EML5: variants seen among roughly 807,000 people sequenced by gnomAD.
EML5 encodes the protein echinoderm microtubule-associated protein-like 5.
In EML5, 120 loss-of-function variants were observed where a neutral mutation model predicts 250.0. The ratio of observed to expected loss-of-function variants is 0.48; its 90% CI spans 0.41 to 0.56. The LOEUF (loss-of-function observed/expected upper bound fraction) is 0.56, where lower values mean the gene tolerates loss of function less well. EML5 is among the 20% of genes least tolerant of loss of function. EML5 has a pLI of 0.00. For synonymous variants in EML5, 771 were observed against 806.5 expected (o/e 0.96, Z 0.75); for missense variants, 2,006 against 2,437.6 (o/e 0.82, Z 3.73).
intron 8 of EML5, among the ~76,000 whole-genome samples, chr14:88,716,299 T>C (rs953287380): frequency 1.3e-5 from 2 of 152,212 alleles, no homozygotes; most frequent in Admixed American, 6.5e-5. Flanking sequence ...GAAGCTTCTG[T>C]ACTTTTTTTT....
chr14:88,646,931 G>A lies in EML5; in HGVS notation c.4028+16C>T. Reference sequence around the variant, plus strand: ...TACAAAGTTAGGCTTTGTAAACACAGCAAAGAGAGGATTACCTGGAACCTC... The same window carrying A: ...TACAAAGTTAGGCTTTGTAAACACAACAAAGAGAGGATTACCTGGAACCTC... On this transcript the variant is annotated intron_variant, in intron 29 of 43. Transcript: ENST00000554922. The A allele has an allele frequency of 6.3e-7, 1 of 1,591,008 alleles. No homozygotes were observed. The highest frequency in any genetic ancestry group is 1.7e-5 in the Admixed American group (1 of 57,864).
chr14:88,646,289 A>C (rs936918145), intron 29 of EML5, among the ~76,000 whole-genome samples: 1 of 152,236 alleles, frequency 6.6e-6, no homozygotes, highest in African/African-American at 2.4e-5. Context: ...TTGATACGCA[A>C]TATGAGGCAG....
chr14:88,685,026 G>A lies in EML5; in HGVS notation c.2971C>T (p.Leu991Phe). The A allele has an allele frequency of 1.2e-6, 2 of 1,601,872 alleles. No individual in the cohort carries two copies. The highest frequency in any genetic ancestry group is 1.7e-6 in the Non-Finnish European group (2 of 1,174,718). The stretch of plus-strand genomic sequence containing the variant: ...GCATTTAAAATTACCTGAACCAGAA[G>A]TGTTATTGGGCCACTTTTATCCACT... ...LEVDKSGPIT[L>F]LVQGHMEGEV... Residue 991 changes from leucine (L) to phenylalanine (F), a missense_variant, in exon 20 of 44, where the codon CTT (leucine) becomes TTT (phenylalanine). Physicochemically the swap from Leu to Phe is conservative, Grantham distance 22. This residue lies in a region of EML5 where 1,375 missense variants were observed against 1,590.3 expected (regional missense o/e 0.86). Transcript: ENST00000554922.
In EML5 at chr14:88,615,678, T is replaced by C; in HGVS notation, c.*140A>G. ...CAAATATTTTGAACAGATCAGTCTT[T>C]CACTATTTTGATGATTCTGGGCATT... On this transcript the variant is annotated 3_prime_UTR_variant, in exon 44 of 44. Coordinates refer to ENST00000554922, the MANE Select transcript of EML5 (RefSeq NM_183387.3). 1 of 733,454 alleles carries C rather than the reference T, an allele frequency of 1.4e-6. No homozygotes were observed. Among genetic ancestry groups the C allele is most frequent in the South Asian group, 1.9e-5 (1 of 52,512 alleles). The allele number at this position is 733,454 out of a possible 1,614,324, so 45.4% of individuals were successfully genotyped here. A position where few individuals can be genotyped will look rare whatever the true frequency, so the allele number is the denominator to read the frequency against.
intron 38 of EML5, 46 bp downstream of exon 38, chr14:88,621,067 C>T (rs1206406236): frequency 1.3e-6 from 2 of 1,554,900 alleles, no homozygotes; most frequent in Non-Finnish European, 1.7e-6. Context: ...TCCAACTTTT[C>T]TTTTTAGAAG....
rs192266054 is a variant in EML5 at position 88,775,124 on chromosome 14, T to C, written c.197+17183A>G. Among the ~76,000 whole-genome samples, 470 of 151,170 alleles carry C rather than the reference T, an allele frequency of 3.1e-3. 3 individuals are homozygous for C. Among genetic ancestry groups the C allele is most frequent in the Non-Finnish European group, 5.4e-3 (366 of 67,750 alleles). The stretch of plus-strand genomic sequence containing the variant: ...AACCAGTAGCAATACCCGGGTACTA[T>C]GTCAAGGGCCTTAAGTGAGCCTCTG... On this transcript the variant is annotated intron_variant, in intron 1 of 43. Coordinates refer to ENST00000554922, the MANE Select transcript of EML5 (RefSeq NM_183387.3).
At chr14:88,670,547 C>T (rs1406387198) in intron 21 of EML5, among the ~76,000 whole-genome samples, 1 of 152,044 alleles carries the variant, frequency 6.6e-6, no homozygotes, top group Admixed American at 6.5e-5. Flanking sequence ...AGCAAGGGCA[C>T]AGAACTGGGC....
intron 7 of EML5, among the ~76,000 whole-genome samples, chr14:88,727,492 C>T (rs898380749): frequency 3.4e-5 from 5 of 148,202 alleles, no homozygotes; most frequent in Admixed American, 6.7e-5. Flanking sequence ...ACCTCCGCCT[C>T]CCGGGTTCAA....
chr14:88,720,454 C>T (rs1566695509), intron 8 of EML5, among the ~76,000 whole-genome samples: 1 of 152,166 alleles, frequency 6.6e-6, no homozygotes, highest in South Asian at 2.1e-4. Context: ...GCTTCATCCC[C>T]GAGATGCAAG....
In EML5 at chr14:88,792,459, C is replaced by T; in HGVS notation, c.45G>A (p.Trp15Ter). ...ACTGGTGGCCCCGGTAGCCGTACAC[C>T]CACTCGAGCCGCAGGTGGCAGCTCG... ...SAPSCHLRLE[W>*]VYGYRGHQCR... is the part of the protein sequence containing the mutation. Residue 15 changes from tryptophan to a stop codon, truncating the protein, a stop_gained, in exon 1 of 44, where the codon TGG becomes TGA. Coordinates refer to ENST00000554922, the MANE Select transcript of EML5 (RefSeq NM_183387.3). LOFTEE classifies it high-confidence loss of function. The surrounding 1 kb of genome is among the most constrained non-coding windows in gnomAD (Gnocchi z 6.9). 1 of 1,511,508 alleles carries T rather than the reference C, an allele frequency of 6.6e-7. No homozygotes were observed. The allele number at this position is 1,511,508 out of a possible 1,614,324, so 93.6% of individuals were successfully genotyped here. A position where few individuals can be genotyped will look rare whatever the true frequency, so the allele number is the denominator to read the frequency against.
At chr14:88,761,049 G>T (rs989549885) in intron 1 of EML5, among the ~76,000 whole-genome samples, 3 of 152,054 alleles carry the variant, frequency 2.0e-5, no homozygotes, top group African/African-American at 7.2e-5. Context: ...TGTTTTTTGT[G>T]TGAGTTTTTA....
Position 88,685,096 on chromosome 14 carries a change from T to C in EML5, c.2901A>G (p.Gly967=). The C allele has an allele frequency of 1.9e-6, 3 of 1,610,764 alleles. No homozygotes were observed. The highest frequency in any genetic ancestry group is 4.5e-5 in the East Asian group (2 of 44,594). Reference sequence around the variant, plus strand: ...TTGTGCCAACTAAAATATGACCATGTCCTAATGATATGGCACGTATAGATG... The same window carrying C: ...TTGTGCCAACTAAAATATGACCATGCCCTAATGATATGGCACGTATAGATG... The part of the protein sequence containing the change: ...DNPSIRAISL[G]HGHILVGTKN... Residue 967 remains glycine (G), a synonymous_variant, in exon 20 of 44, where the codon GGA becomes GGG. Transcript: ENST00000554922.
chr14:88,676,219 A>C (rs1017776108), intron 21 of EML5, among the ~76,000 whole-genome samples: 2 of 152,220 alleles, frequency 1.3e-5, no homozygotes, highest in East Asian at 3.8e-4. Flanking sequence ...TCACACTGCT[A>C]TGAAGAAATA....
intron 17 of EML5, among the ~76,000 whole-genome samples, chr14:88,689,049 T>C (rs141558273): frequency 6.6e-6 from 1 of 152,372 alleles, no homozygotes; most frequent in East Asian, 1.9e-4. Context: ...TAGAGTTTTT[T>C]ACATGTTAGA....
At position 88,792,553 on chromosome 14, in the gene EML5, AGGC is replaced by A; in HGVS notation, c.-53_-51del. 1.6e-6 allele frequency: 2 copies of A among 1,215,834 alleles called. No individual in the cohort carries two copies. The highest frequency in any genetic ancestry group is 8.0e-5 in the South Asian group (2 of 24,862). The allele number at this position is 1,215,834 out of a possible 1,614,324, so 75.3% of individuals were successfully genotyped here. A position where few individuals can be genotyped will look rare whatever the true frequency, so the allele number is the denominator to read the frequency against. ...CGCTCGGGCCCGCGGCGGCGACGGGAGGCGGCGGCGGCCCGGCAACGAAAGCCC... is the reference window on the plus strand; with the variant it reads ...CGCTCGGGCCCGCGGCGGCGACGGGAGGCGGCGGCCCGGCAACGAAAGCCC... On this transcript the variant is annotated 5_prime_UTR_variant, in exon 1 of 44. Transcript: ENST00000554922. The surrounding 1 kb of genome is among the most constrained non-coding windows in gnomAD (Gnocchi z 6.9).
chr14:88,721,111 GA>G (rs2093582757), intron 8 of EML5, among the ~76,000 whole-genome samples: 1 of 152,070 alleles, frequency 6.6e-6, no homozygotes, highest in South Asian at 2.1e-4. Context: ...ACTGCACAAG[GA>G]AATAAAAGAG....
At chr14:88,671,928 C>A (rs907340004) in intron 21 of EML5, among the ~76,000 whole-genome samples, 2 of 152,074 alleles carry the variant, frequency 1.3e-5, no homozygotes. Context: ...TACGAAGAGA[C>A]AACTTAAACT....
At chr14:88,648,109 AT>A (rs1457394835) in intron 28 of EML5, among the ~76,000 whole-genome samples, 2 of 152,182 alleles carry the variant, frequency 1.3e-5, no homozygotes, top group Non-Finnish European at 2.9e-5. Context: ...TCTTAATAGC[AT>A]AATGATCAAA....
intron 8 of EML5, among the ~76,000 whole-genome samples, chr14:88,719,236 T>C (rs1020214399): frequency 6.6e-6 from 1 of 152,026 alleles, no homozygotes; most frequent in Admixed American, 6.6e-5. Flanking sequence ...AATTAAAACA[T>C]TAGCTAGGCA....
Sources: gnomAD v4.1 joint callset for allele counts (sites outside exome capture counted in the v4.1 genomes callset) on GRCh38, gnomAD v4.1.1 for gene constraint, gnomAD v4.1.1 regional missense constraint, Gnocchi (gnomAD v3.1) non-coding constraint, MANE v1.5 for transcripts, NCBI Gene and HGNC (gene_info 2026-07-23, HGNC 2026-07-21) for gene names.